Variants in HLCS observed in about 807,000 individuals in gnomAD.
HLCS encodes biotin--protein ligase.
Under a neutral mutation model 75.0 loss-of-function variants are expected in HLCS, and 53 were observed. The ratio of observed to expected loss-of-function variants is 0.71; its 90% confidence interval spans 0.57 to 0.89. The LOEUF (loss-of-function observed/expected upper bound fraction) is 0.89, where lower values mean the gene tolerates loss of function less well. Ranked by LOEUF, HLCS falls within the 40% of genes least tolerant of loss-of-function variation. The pLI is 0.00. For missense variants in HLCS, 966 were observed against 1,074.0 expected, an observed-to-expected ratio of 0.90 and a Z score of 1.41; for synonymous variants, 431 against 428.6, an observed-to-expected ratio of 1.01 and a Z score of -0.07.
chr21:36,854,157 CAA>C (rs1198975840), intron 6 of HLCS, among the ~76,000 whole-genome samples: 2 of 152,164 alleles, frequency 1.3e-5, no homozygotes, highest in Non-Finnish European at 2.9e-5. Flanking sequence ...CTTTGAACGT[CAA>C]TATTTGTCAT....
At chr21:36,963,954 G>T (rs2068438964) in intron 1 of HLCS, among the ~76,000 whole-genome samples, 2 of 152,202 alleles carry the variant, frequency 1.3e-5, no homozygotes, top group African/African-American at 4.8e-5. Flanking sequence ...AGGCTTGGTG[G>T]CTCACACCTG....
chr21:36,979,683 A>G (rs938276497), intron 1 of HLCS, among the ~76,000 whole-genome samples: 1 of 152,172 alleles, frequency 6.6e-6, no homozygotes, highest in African/African-American at 2.4e-5. Flanking sequence ...GAGAGGCCAA[A>G]GCAGAAGGAT....
intron 6 of HLCS, among the ~76,000 whole-genome samples, chr21:36,819,975 A>G (rs148953521): frequency 6.6e-6 from 1 of 152,232 alleles, no homozygotes; most frequent in South Asian, 2.1e-4. Flanking sequence ...ATCCTACCTA[A>G]GCCAGATAAA....
chr21:36,977,104 AC>A, intron 1 of HLCS, among the ~76,000 whole-genome samples: 1 of 152,024 alleles, frequency 6.6e-6, no homozygotes, highest in Non-Finnish European at 1.5e-5. Context: ...TTGTAAAGTG[AC>A]GTAGAACTGC....
intron 6 of HLCS, among the ~76,000 whole-genome samples, chr21:36,846,703 G>C (rs1384554881): frequency 6.6e-6 from 1 of 152,182 alleles, no homozygotes; most frequent in Non-Finnish European, 1.5e-5. Context: ...AGAAAGAACT[G>C]TTTTTCCCTT....
At chr21:36,855,536 T>TTA (rs1166054574) in intron 6 of HLCS, among the ~76,000 whole-genome samples, 1 of 75,634 alleles carries the variant, frequency 1.3e-5, no homozygotes, top group African/African-American at 4.8e-5. Flanking sequence ...AGACTCCATC[T>TTA]AAAAAAAAAA....
At chr21:36,813,129 T>A (rs1303257969) in intron 6 of HLCS, among the ~76,000 whole-genome samples, 2 of 152,194 alleles carry the variant, frequency 1.3e-5, no homozygotes, top group Non-Finnish European at 2.9e-5. Context: ...GCTATGCATA[T>A]TTGCAAATAT....
Position 36,760,892 on chromosome 21 carries a change from T to G in HLCS, c.2122-1051A>C, listed in dbSNP as rs115758693. On this transcript the variant is annotated intron_variant, in intron 8 of 10. Coordinates refer to ENST00000674895, the MANE Select transcript of HLCS (RefSeq NM_001352514.2). ...GGACACAGAGACGGGGCTAGCCGAGTGGGTGTCAGAACCACCAGGTCTTTT... is the reference window on the plus strand; with the variant it reads ...GGACACAGAGACGGGGCTAGCCGAGGGGGTGTCAGAACCACCAGGTCTTTT... 7.7e-3 allele frequency among the ~76,000 whole-genome samples: 1,166 copies of G among 152,220 alleles called. 16 individuals are homozygous for G. Among genetic ancestry groups the G allele is most frequent in the African/African-American group, 0.026 (1,091 of 41,538 alleles).
chr21:36,802,762 G>A (rs1047382988), intron 6 of HLCS, among the ~76,000 whole-genome samples: 2 of 152,096 alleles, frequency 1.3e-5, no homozygotes, highest in East Asian at 3.9e-4. Context: ...ACTCCCAATG[G>A]GATCCAGTGT....
At chr21:36,768,202 C>A (rs147134957) in intron 6 of HLCS, among the ~76,000 whole-genome samples, 56 of 152,302 alleles carry the variant, frequency 3.7e-4, no homozygotes, top group African/African-American at 1.3e-3. Context: ...GATGAGGGGG[C>A]CTCTTTGATT....
chr21:36,904,059 A>G (rs1315160462), intron 5 of HLCS, among the ~76,000 whole-genome samples: 1 of 152,212 alleles, frequency 6.6e-6, no homozygotes, highest in Non-Finnish European at 1.5e-5. Flanking sequence ...TGGATTTTCC[A>G]GTCTCCAGAA....
chr21:36,960,141 C>G (rs543037362), intron 2 of HLCS, among the ~76,000 whole-genome samples: 8 of 116,854 alleles, frequency 6.8e-5, no homozygotes, highest in African/African-American at 1.9e-4. Flanking sequence ...ACCCCCCCCC[C>G]CCCCGACCCT....
chr21:36,768,525 G>C (rs898359020), intron 6 of HLCS, among the ~76,000 whole-genome samples: 1 of 152,188 alleles, frequency 6.6e-6, no homozygotes, highest in Non-Finnish European at 1.5e-5. Context: ...GTCTGACGGC[G>C]CATGCAGGCC....
intron 6 of HLCS, among the ~76,000 whole-genome samples, chr21:36,818,493 C>T (rs921220340): frequency 6.6e-6 from 1 of 152,132 alleles, no homozygotes; most frequent in Non-Finnish European, 1.5e-5. Flanking sequence ...ACTTGTGACA[C>T]CTGCAGCCAA....
intron 6 of HLCS, among the ~76,000 whole-genome samples, chr21:36,866,560 G>A (rs987960977): frequency 2.6e-5 from 4 of 152,210 alleles, no homozygotes; most frequent in African/African-American, 9.6e-5. Context: ...GAAAGGTGGA[G>A]TCCCTTTCAT....
At chr21:36,765,297 G>T in intron 7 of HLCS, 125 bp from the exon 8 acceptor site, 1 of 915,340 alleles carries the variant, frequency 1.1e-6, no homozygotes, top group Non-Finnish European at 1.8e-6. Flanking sequence ...GTATTACAAC[G>T]CTTATTATAT....
chr21:36,955,562 G>A (rs2067895235), intron 2 of HLCS, among the ~76,000 whole-genome samples: 1 of 151,990 alleles, frequency 6.6e-6, no homozygotes, highest in Non-Finnish European at 1.5e-5. Context: ...GCTGTACAAT[G>A]TGTTTGTTTT....
At chr21:36,959,833 C>T (rs778097831) in intron 2 of HLCS, among the ~76,000 whole-genome samples, 56 of 152,220 alleles carry the variant, frequency 3.7e-4, no homozygotes, top group Non-Finnish European at 5.4e-4. Flanking sequence ...GACAATAACT[C>T]AGGACCCACC....
chr21:36,803,495 T>C (rs1019073825), intron 6 of HLCS, among the ~76,000 whole-genome samples: 1 of 152,230 alleles, frequency 6.6e-6, no homozygotes, highest in African/African-American at 2.4e-5. Context: ...AAGGTTCCAG[T>C]TTATGCCCAC....
Sources: allele counts gnomAD v4.1 joint callset (sites outside exome capture counted in the v4.1 genomes callset), GRCh38; gene constraint gnomAD v4.1.1; transcripts MANE v1.5; gene names NCBI Gene and HGNC (gene_info 2026-07-23, HGNC 2026-07-21).